The following GABBR2 variants were observed in gnomAD, a reference collection of about 807,000 sequenced individuals.
The protein encoded by GABBR2 is G-protein coupled receptor 51.
GABBR2 carries 23 observed loss-of-function variants against 105.6 expected under a neutral mutation model. The observed-to-expected ratio is 0.22, with a 90% confidence interval of 0.16 to 0.31. The LOEUF (loss-of-function observed/expected upper bound fraction) is 0.31. Among genes scored for constraint, GABBR2 ranks in the 10% least tolerant of loss-of-function variants. The pLI, the probability that GABBR2 is intolerant of heterozygous loss-of-function variation, is 1.00. For missense variants in GABBR2, 734 were observed against 1,245.5 expected, an observed-to-expected ratio of 0.59 and a Z score of 6.18; for synonymous variants, 478 against 499.7, an observed-to-expected ratio of 0.96 and a Z score of 0.58.
Position 98,496,520 on chromosome 9 carries a change from A to G in GABBR2, c.631-6T>C. The stretch of plus-strand genomic sequence containing the variant: ...CCAGTCAGGTCATTCCGCACCTGTC[A>G]GCAAAGAGAAAGCAGAGGGTGGGTG... On this transcript the variant is annotated splice_region_variant and splice_polypyrimidine_tract_variant and intron_variant, in intron 3 of 18. Transcript: ENST00000259455. 6.2e-7 allele frequency: 1 copy of G among 1,600,610 alleles called. No individual in the cohort carries two copies. The highest frequency in any genetic ancestry group is 1.1e-5 in the South Asian group (1 of 90,766).
At position 98,549,320 on chromosome 9, in the gene GABBR2, A is replaced by G; in HGVS notation, c.460-7277T>C. The stretch of plus-strand genomic sequence containing the variant: ...TTGGGTACCAAATGTTTTATTGAGT[A>G]GCCAAATACCCTTTTTTTTCATTTT... On this transcript the variant is annotated intron_variant, in intron 2 of 18. Coordinates refer to ENST00000259455, the MANE Select transcript of GABBR2 (RefSeq NM_005458.8). Among the ~76,000 whole-genome samples the G allele has an allele frequency of 1.4e-5, 2 of 146,546 alleles. 1 individual carries two copies. Among genetic ancestry groups the G allele is most frequent in the Non-Finnish European group, 3.0e-5 (2 of 66,232 alleles).
chr9:98,688,286 A>G (rs1431306569), intron 1 of GABBR2, among the ~76,000 whole-genome samples: 1 of 152,096 alleles, frequency 6.6e-6, no homozygotes, highest in Non-Finnish European at 1.5e-5. Context: ...TGGCTCTGCC[A>G]CCTCAAATAT....
chr9:98,402,384 C>T (rs772062453), intron 8 of GABBR2, among the ~76,000 whole-genome samples: 12 of 152,092 alleles, frequency 7.9e-5, no homozygotes, highest in African/African-American at 2.4e-4. Flanking sequence ...CACGTGGTGT[C>T]GTGAAAATCA....
intron 10 of GABBR2, among the ~76,000 whole-genome samples, chr9:98,387,666 C>A (rs1215023986): frequency 6.6e-6 from 1 of 152,028 alleles, no homozygotes; most frequent in African/African-American, 2.4e-5. Flanking sequence ...GTGGCTCATG[C>A]CTCTAATTCC....
chr9:98,351,889 T>G (rs1831405265), intron 13 of GABBR2, among the ~76,000 whole-genome samples: 1 of 152,246 alleles, frequency 6.6e-6, no homozygotes, highest in African/African-American at 2.4e-5. Context: ...GTTTCTTTGC[T>G]TTTTCAAATT....
intron 13 of GABBR2, among the ~76,000 whole-genome samples, chr9:98,338,591 C>T (rs973896547): frequency 5.3e-5 from 8 of 152,194 alleles, no homozygotes; most frequent in African/African-American, 1.9e-4. Flanking sequence ...CCTTTATACT[C>T]ACTAAGATGG....
rs3983388 is a variant in GABBR2 at position 98,706,109 on chromosome 9, CAA to C, written c.321+2306_321+2307del. Among the ~76,000 whole-genome samples the C allele has an allele frequency of 8.3e-3, 1,140 of 136,966 alleles. 14 individuals are homozygous for C. The highest frequency in any genetic ancestry group is 0.03 in the African/African-American group (1,059 of 35,620). 89.9% of individuals were successfully genotyped at this position (136,966 alleles called of 152,430 possible). On this transcript the variant is annotated intron_variant, in intron 1 of 18. Coordinates refer to ENST00000259455, the MANE Select transcript of GABBR2 (RefSeq NM_005458.8). ...CAAAAACAAAACAAAACAAAAAAAA[CAA>C]AAAAAAAAAAAAAAAGAAGGAGGAG...
At chr9:98,408,807 A>G (rs1832533876) in intron 7 of GABBR2, among the ~76,000 whole-genome samples, 1 of 152,090 alleles carries the variant, frequency 6.6e-6, no homozygotes, top group African/African-American at 2.4e-5. Context: ...TATTTTTTTG[A>G]GACAGGGTCT....
Position 98,395,884 on chromosome 9 carries a change from G to A in GABBR2, c.1298-1629C>T, listed in dbSNP as rs112159829. 1.1e-3 allele frequency among the ~76,000 whole-genome samples: 165 copies of A among 152,202 alleles called. 1 individual carries two copies. Among genetic ancestry groups the A allele is most frequent in the African/African-American group, 3.8e-3 (157 of 41,504 alleles). ...GGGGAGCAGGTAGGAAGGGCTGGGG[G>A]TACTGACCGAGCCTCTATAGTGTGC... On this transcript the variant is annotated intron_variant, in intron 8 of 18. Transcript: ENST00000259455.
rs779677313 is a variant in GABBR2, at chr9:98,303,302, C to A, written c.2351G>T (p.Ser784Ile). Residue 784 changes from serine (S) to isoleucine (I), a missense_variant, in exon 16 of 19, where the codon AGC becomes ATC. Around this residue, in one of 7 missense-constraint regions of GABBR2, gnomAD observed 91 missense variants for 185.9 expected, o/e 0.49. Transcript: ENST00000259455. Reference sequence around the variant, plus strand: ...CTGTAGGCCCTCCAGGCGGGATGTGCTGGCTTGGTTCACACTGGTGACCGA... The same window carrying A: ...CTGTAGGCCCTCCAGGCGGGATGTGATGGCTTGGTTCACACTGGTGACCGA... ...STSVTSVNQA[S>I]TSRLEGLQSE... is the part of the protein sequence containing the mutation. The A allele has an allele frequency of 1.9e-6, 3 of 1,614,208 alleles. No individual in the cohort carries two copies. Among genetic ancestry groups the A allele is most frequent in the South Asian group, 1.1e-5 (1 of 91,088 alleles).
chr9:98,475,113 C>T (rs1200415655), intron 5 of GABBR2, among the ~76,000 whole-genome samples: 5 of 152,256 alleles, frequency 3.3e-5, no homozygotes, highest in East Asian at 3.9e-4. Context: ...TAGACTCCTT[C>T]GATGATACAG....
intron 13 of GABBR2, among the ~76,000 whole-genome samples, chr9:98,345,023 C>T (rs898831360): frequency 1.3e-5 from 2 of 152,120 alleles, no homozygotes; most frequent in Non-Finnish European, 2.9e-5. Context: ...AAGAGGTTCC[C>T]CAAGCACCCC....
At chr9:98,520,570 C>T (rs1056264651) in intron 3 of GABBR2, among the ~76,000 whole-genome samples, 6 of 152,210 alleles carry the variant, frequency 3.9e-5, no homozygotes, top group African/African-American at 7.2e-5. Flanking sequence ...CTCCCCACAA[C>T]GCCTGCTGCC....
At chr9:98,634,200 C>T (rs948964021) in intron 1 of GABBR2, among the ~76,000 whole-genome samples, 1 of 152,154 alleles carries the variant, frequency 6.6e-6, no homozygotes, top group African/African-American at 2.4e-5. Context: ...CGACTTTGGG[C>T]CCTACTTCAG....
At chr9:98,571,039 C>T (rs945774122) in intron 2 of GABBR2, among the ~76,000 whole-genome samples, 7 of 152,214 alleles carry the variant, frequency 4.6e-5, no homozygotes, top group Non-Finnish European at 2.9e-5. Context: ...AGACACAATT[C>T]TAACCTCAGG....
chr9:98,689,663 C>A (rs955076918), intron 1 of GABBR2, among the ~76,000 whole-genome samples: 3 of 152,172 alleles, frequency 2.0e-5, no homozygotes, highest in Non-Finnish European at 4.4e-5. Flanking sequence ...CTATCCCCGA[C>A]GTCTCTGACC....
intron 3 of GABBR2, among the ~76,000 whole-genome samples, chr9:98,508,033 T>G (rs1409564789): frequency 6.6e-6 from 1 of 152,206 alleles, no homozygotes; most frequent in Non-Finnish European, 1.5e-5. Context: ...TCAGACCTTA[T>G]TGCTTTCCTT....
chr9:98,313,767 G>GGT (rs397732505), intron 13 of GABBR2, among the ~76,000 whole-genome samples: 1 of 152,030 alleles, frequency 6.6e-6, no homozygotes, highest in Admixed American at 6.5e-5. Flanking sequence ...TAGGAAGAAG[G>GGT]TACTTTGATG....
intron 2 of GABBR2, among the ~76,000 whole-genome samples, chr9:98,542,673 C>G (rs1282927946): frequency 1.3e-5 from 2 of 152,104 alleles, no homozygotes; most frequent in East Asian, 3.8e-4. Context: ...TTCCAAAAAA[C>G]ATTTTATCGG....
Sources: allele counts gnomAD v4.1 joint callset (sites outside exome capture counted in the v4.1 genomes callset), GRCh38; gene constraint gnomAD v4.1.1; regional missense constraint gnomAD v4.1.1; transcripts MANE v1.5; gene names NCBI Gene and HGNC (gene_info 2026-07-23, HGNC 2026-07-21).